The following FAM135B variants were observed in gnomAD, a reference collection of about 807,000 sequenced individuals.
FAM135B encodes family with sequence similarity 135 member B.
A neutral mutation model predicts 127.7 loss-of-function variants in FAM135B; 43 were observed. That is an observed-to-expected ratio of 0.34 (90% CI 0.26 to 0.43). The LOEUF is 0.43. FAM135B is among the 20% of genes least tolerant of loss of function. The pLI is 1.00. For missense variants in FAM135B, 1,558 were observed against 1,725.6 expected (o/e 0.90, Z 1.72); for synonymous variants, 670 against 665.1 (o/e 1.01, Z -0.11).
chr8:138,260,772 G>A (rs1469114184), intron 4 of FAM135B, among the ~76,000 whole-genome samples: 1 of 152,048 alleles, frequency 6.6e-6, no homozygotes, highest in African/African-American at 2.4e-5. Context: ...GCAACTGCCT[G>A]TATGCCCTTG....
intron 7 of FAM135B, among the ~76,000 whole-genome samples, chr8:138,223,105 C>T (rs77509502): frequency 1.6e-3 from 247 of 152,262 alleles, no homozygotes; most frequent in African/African-American, 5.0e-3. Context: ...CACACAGGAA[C>T]AGTTAGTTTC....
At chr8:138,267,989 TG>T (rs1380279800) in intron 3 of FAM135B, among the ~76,000 whole-genome samples, 3 of 152,176 alleles carry the variant, frequency 2.0e-5, no homozygotes, top group Non-Finnish European at 4.4e-5. Context: ...AGAATGACAA[TG>T]TGGCAGCGGG....
intron 1 of FAM135B, among the ~76,000 whole-genome samples, chr8:138,421,629 G>A (rs1306259911): frequency 6.6e-6 from 1 of 152,066 alleles, no homozygotes; most frequent in Non-Finnish European, 1.5e-5. Flanking sequence ...GCTGAAAAAA[G>A]TCAGAAATGA....
chr8:138,215,746 T>C (rs888873892), intron 7 of FAM135B, among the ~76,000 whole-genome samples: 1 of 152,220 alleles, frequency 6.6e-6, no homozygotes, highest in African/African-American at 2.4e-5. Flanking sequence ...TAAGGCACTT[T>C]GGGAAGGTTG....
intron 3 of FAM135B, among the ~76,000 whole-genome samples, chr8:138,274,455 G>A (rs1823649685): frequency 6.6e-6 from 1 of 152,132 alleles, no homozygotes; most frequent in Non-Finnish European, 1.5e-5. Flanking sequence ...GTGGAGGCAG[G>A]GCGAGATCAC....
chr8:138,489,296 T>C (rs1394610175), intron 1 of FAM135B, among the ~76,000 whole-genome samples: 2 of 152,122 alleles, frequency 1.3e-5, no homozygotes, highest in African/African-American at 4.8e-5. Context: ...TCAGACTAGG[T>C]CAGAAAATGG....
intron 1 of FAM135B, among the ~76,000 whole-genome samples, chr8:138,382,945 A>G (rs1472718327): frequency 6.6e-6 from 1 of 152,166 alleles, no homozygotes; most frequent in Admixed American, 6.5e-5. Context: ...AGGACAGAAG[A>G]TGGATAGAGA....
At chr8:138,415,196 T>A (rs576255896) in intron 1 of FAM135B, among the ~76,000 whole-genome samples, 1 of 152,328 alleles carries the variant, frequency 6.6e-6, no homozygotes, top group South Asian at 2.1e-4. Context: ...TTGATTTTGC[T>A]GTTGTTGTTA....
chr8:138,422,576 C>G (rs1328526003), intron 1 of FAM135B, among the ~76,000 whole-genome samples: 1 of 152,030 alleles, frequency 6.6e-6, no homozygotes, highest in Non-Finnish European at 1.5e-5. Flanking sequence ...TCATCTCACA[C>G]CAGTCAGAAT....
At chr8:138,257,181 A>G (rs1302264139) in intron 4 of FAM135B, among the ~76,000 whole-genome samples, 1 of 152,116 alleles carries the variant, frequency 6.6e-6, no homozygotes, top group Non-Finnish European at 1.5e-5. Flanking sequence ...AGTCAGAGCA[A>G]TGTCATCTCT....
chr8:138,147,917 A>C (rs1817790160), intron 14 of FAM135B, among the ~76,000 whole-genome samples: 1 of 152,176 alleles, frequency 6.6e-6, no homozygotes, highest in African/African-American at 2.4e-5. Flanking sequence ...TGAGTGAGAA[A>C]GTTTTTTTGT....
chr8:138,417,370 T>A (rs182303883), intron 1 of FAM135B, among the ~76,000 whole-genome samples: 88 of 152,270 alleles, frequency 5.8e-4, no homozygotes, highest in Middle Eastern at 3.4e-3. Flanking sequence ...AGGGCTTCCA[T>A]AGGCAGGCCC....
At chr8:138,421,616 A>T (rs1834515221) in intron 1 of FAM135B, among the ~76,000 whole-genome samples, 3 of 152,162 alleles carry the variant, frequency 2.0e-5, no homozygotes, top group African/African-American at 7.2e-5. Context: ...AATTACAAAA[A>T]CTGCTGAAAA....
chr8:138,367,846 G>T, intron 2 of FAM135B, 61 bp downstream of exon 2: 2 of 1,271,156 alleles, frequency 1.6e-6, no homozygotes, highest in Non-Finnish European at 2.2e-6. Flanking sequence ...CTTCTTCCAC[G>T]GAAAGAAACA....
At chr8:138,445,200 T>G (rs201289892) in intron 1 of FAM135B, among the ~76,000 whole-genome samples, 8,849 of 152,246 alleles carry the variant, frequency 0.058, 352 homozygotes, top group East Asian at 0.21. Context: ...CCAGACGGAT[T>G]CACAGCCAAA....
chr8:138,445,638 T>C (rs1204670590), intron 1 of FAM135B, among the ~76,000 whole-genome samples: 2 of 152,172 alleles, frequency 1.3e-5, no homozygotes, highest in Non-Finnish European at 2.9e-5. Context: ...AAATTAGGTA[T>C]TGATGGGACG....
At chr8:138,497,667 G>A (rs1298548183), upstream of FAM135B, among the ~76,000 whole-genome samples, 1 of 152,160 alleles carries the variant, frequency 6.6e-6, no homozygotes. Flanking sequence ...CCAGCCAGCC[G>A]GCCCGTCATC....
At chr8:138,245,178 C>A (rs1363504880) in intron 6 of FAM135B, among the ~76,000 whole-genome samples, 1 of 152,202 alleles carries the variant, frequency 6.6e-6, no homozygotes, top group East Asian at 1.9e-4. Context: ...AGCAAGGTTG[C>A]TGCAGACAAA....
At chr8:138,247,023 T>C (rs1242085723) in intron 6 of FAM135B, among the ~76,000 whole-genome samples, 2 of 152,222 alleles carry the variant, frequency 1.3e-5, no homozygotes, top group Admixed American at 6.5e-5. Context: ...GGCCAACTTC[T>C]CCCACTTGGA....
Sources: allele counts gnomAD v4.1 joint callset (sites outside exome capture counted in the v4.1 genomes callset), GRCh38; gene constraint gnomAD v4.1.1; transcripts MANE v1.5; gene names NCBI Gene and HGNC (gene_info 2026-07-23, HGNC 2026-07-21).